Variants in PHF3 observed in about 807,000 individuals in gnomAD.
The protein encoded by PHF3 is PHD finger protein 3.
Under a neutral mutation model 178.4 loss-of-function variants are expected in PHF3, and 41 were observed. That is an observed-to-expected ratio of 0.23 (90% confidence interval 0.18 to 0.30). The LOEUF is 0.30. Ranked by LOEUF, PHF3 falls within the 10% of genes least tolerant of loss-of-function variation. PHF3 has a pLI of 1.00. For synonymous variants in PHF3, 842 were observed against 800.5 expected, an observed-to-expected ratio of 1.05 and a Z score of -0.88; for missense variants, 2,346 against 2,398.1, an observed-to-expected ratio of 0.98 and a Z score of 0.45.
intron 1 of PHF3, 52 bp downstream of exon 1, chr6:63,636,202 C>G: frequency 2.8e-6 from 1 of 363,582 alleles, no homozygotes; most frequent in Non-Finnish European, 4.9e-6. Context: ...CTCCCCTCCC[C>G]CATCCCCTTC....
chr6:63,658,605 A>AT (rs1491223226), intron 2 of PHF3, among the ~76,000 whole-genome samples: 2 of 151,716 alleles, frequency 1.3e-5, no homozygotes, highest in Non-Finnish European at 2.9e-5. Context: ...TTGCTTTCAG[A>AT]TTTTTTCATC....
chr6:63,698,672 A>G (rs1767341865), intron 8 of PHF3, 67 bp downstream of exon 8: 1 of 1,075,282 alleles, frequency 9.3e-7, no homozygotes, highest in East Asian at 2.5e-5. Flanking sequence ...CTCAGATTGT[A>G]ATACAGTAGA....
chr6:63,654,792 T>G (rs1358783536), intron 2 of PHF3, among the ~76,000 whole-genome samples: 1 of 151,874 alleles, frequency 6.6e-6, no homozygotes, highest in Non-Finnish European at 1.5e-5. Context: ...GTTCCCTGGC[T>G]GGGCATATAG....
chr6:63,649,263 T>G (rs760763475), intron 2 of PHF3, among the ~76,000 whole-genome samples: 1 of 152,044 alleles, frequency 6.6e-6, no homozygotes, highest in Admixed American at 6.6e-5. Flanking sequence ...TTATTGTAAT[T>G]ATTGATGAAA....
chr6:63,695,747 A>G (rs551293838), intron 6 of PHF3, among the ~76,000 whole-genome samples: 1 of 152,328 alleles, frequency 6.6e-6, no homozygotes, highest in East Asian at 1.9e-4. Context: ...GGTAGTGAGT[A>G]GTAGTCAGAT....
rs181376424 is a variant in PHF3, at chr6:63,674,976, T to C, written c.245-5024T>C. On this transcript the variant is annotated intron_variant, in intron 2 of 15. Coordinates refer to ENST00000262043, the MANE Select transcript of PHF3 (RefSeq NM_001370348.2). ...TTGAGCAGTGCAATAAATTTAACTC[T>C]GAATGGTTTTTATTCTCTTTATCTC... Among the ~76,000 whole-genome samples the C allele has an allele frequency of 5.3e-5, 8 of 152,302 alleles. No individual in the cohort carries two copies. In the East Asian group the frequency reaches 1.5e-3, roughly 29 times the overall value.
In PHF3 at chr6:63,649,563, G is replaced by A. The variant is rs750175248; in HGVS notation, c.244+2768G>A. The stretch of plus-strand genomic sequence containing the variant: ...CTGGTTTCGGACCAGTATTTTTGTT[G>A]TTGACATAGTGATTTGGATTGTATT... On this transcript the variant is annotated intron_variant, in intron 2 of 15. Transcript: ENST00000262043. Among the ~76,000 whole-genome samples, 5 of 152,116 alleles carry A rather than the reference G, an allele frequency of 3.3e-5. 1 individual carries two copies. The highest frequency in any genetic ancestry group is 6.5e-5 in the Admixed American group (1 of 15,268).
At chr6:63,674,389 G>A (rs1329178671) in intron 2 of PHF3, among the ~76,000 whole-genome samples, 1 of 126,316 alleles carries the variant, frequency 7.9e-6, no homozygotes, top group African/African-American at 3.3e-5. Context: ...AGAAGGAATA[G>A]AAGAGGGGAA....
In PHF3 at chr6:63,721,409, A is replaced by C; in HGVS notation, c.*7701A>C. On this transcript the variant is annotated 3_prime_UTR_variant, in exon 16 of 16. Coordinates refer to ENST00000262043, the MANE Select transcript of PHF3 (RefSeq NM_001370348.2). ...TGTTGTACCCACAGGCTGTCCCATC[A>C]CAGTCACCTACATTTGAGCCACCTT... is the stretch of plus-strand genomic sequence containing the variant. 6.4e-7 allele frequency: 1 copy of C among 1,551,726 alleles called. No individual in the cohort carries two copies. The highest frequency in any genetic ancestry group is 8.7e-7 in the Non-Finnish European group (1 of 1,146,946).
At chr6:63,682,775 A>AC (rs1766494888) in intron 3 of PHF3, among the ~76,000 whole-genome samples, 1 of 152,062 alleles carries the variant, frequency 6.6e-6, no homozygotes. Context: ...CTATTGGAAA[A>AC]CCACTTTTTA....
At chr6:63,710,434 T>C (rs918444632) in intron 14 of PHF3, among the ~76,000 whole-genome samples, 1 of 152,184 alleles carries the variant, frequency 6.6e-6, no homozygotes, top group African/African-American at 2.4e-5. Flanking sequence ...CATGTTTTCC[T>C]TAGGAGCTTG....
rs764449987 is a variant in PHF3 at position 63,691,697 on chromosome 6, A to T, written c.2190-40A>T. On this transcript the variant is annotated intron_variant, in intron 4 of 15. Transcript: ENST00000262043. ...CATTTTTGACATAGATTTTCTTGTT[A>T]AAAAAAGGGATAAAAGTTTTTTGGT... is the stretch of plus-strand genomic sequence containing the variant. 14 of 1,471,414 alleles carry T rather than the reference A, an allele frequency of 9.5e-6. No homozygotes were observed. The African/African-American group carries it at 2.0e-4, about 21-fold the overall frequency. 91.1% of individuals were successfully genotyped at this position (1,471,414 alleles called of 1,614,324 possible).
Position 63,712,117 on chromosome 6 carries a change from C to T in PHF3, c.4529C>T (p.Thr1510Ile). The T allele has an allele frequency of 6.2e-7, 1 of 1,613,234 alleles. No individual in the cohort carries two copies. The highest frequency in any genetic ancestry group is 8.5e-7 in the Non-Finnish European group (1 of 1,179,806). The change falls in exon 16 of 16, where the codon ACA becomes ATA. Residue 1510 changes from threonine to isoleucine, a missense_variant. Coordinates refer to ENST00000262043, the MANE Select transcript of PHF3 (RefSeq NM_001370348.2). ...NEQTNSKIEK[T>I]DNVEVTDGEN... ...CAGACCAACTCAAAAATAGAGAAAACAGATAATGTGGAAGTAACTGATGGT... is the reference window on the plus strand; with the variant it reads ...CAGACCAACTCAAAAATAGAGAAAATAGATAATGTGGAAGTAACTGATGGT...
intron 2 of PHF3, among the ~76,000 whole-genome samples, chr6:63,663,775 C>T (rs915569111): frequency 2.0e-5 from 3 of 152,114 alleles, no homozygotes; most frequent in African/African-American, 7.2e-5. Context: ...CGCACAGTGC[C>T]AGGGACCCAA....
chr6:63,678,799 T>C lies in PHF3; in HGVS notation c.245-1201T>C, dbSNP rs189959930. ...ATTGTGTCATTTAAAGGTAAACTTA[T>C]GAAGAATTTTGTTCTCTTTAAATTT... On this transcript the variant is annotated intron_variant, in intron 2 of 15. Transcript: ENST00000262043. The C allele has an allele frequency of 2.9e-4, 131 of 447,832 alleles. No homozygotes were observed. In the Admixed American group the frequency reaches 3.2e-3, roughly 11 times the overall value. The allele number at this position is 447,832 out of a possible 1,614,324, so 27.7% of individuals were successfully genotyped here.
chr6:63,688,353 T>C, intron 4 of PHF3, among the ~76,000 whole-genome samples: 1 of 1,738 alleles, frequency 5.8e-4, no homozygotes, highest in Non-Finnish European at 9.2e-4. Flanking sequence ...TCTCTTGTTT[T>C]TAAGACAAAG....
In PHF3 at chr6:63,719,961, T is replaced by C. The variant is rs935254375; in HGVS notation, c.*6253T>C. The C allele has an allele frequency of 1.9e-4, 29 of 152,196 alleles. No homozygotes were observed. Among genetic ancestry groups the C allele is most frequent in the African/African-American group, 6.5e-4 (27 of 41,562 alleles). 9.4% of individuals were successfully genotyped at this position (152,196 alleles called of 1,614,324 possible). A position where few individuals can be genotyped will look rare whatever the true frequency, so the allele number is the denominator to read the frequency against. The stretch of plus-strand genomic sequence containing the variant: ...GTTTTAAGTTGCACATATTGTAATA[T>C]CTATTGATGTCTTACTATAAAAGAT... On this transcript the variant is annotated 3_prime_UTR_variant, in exon 16 of 16. Transcript: ENST00000262043.
chr6:63,641,378 T>C (rs557126203), intron 1 of PHF3, among the ~76,000 whole-genome samples: 2 of 152,184 alleles, frequency 1.3e-5, no homozygotes, highest in South Asian at 4.1e-4. Context: ...TTGAGCGATA[T>C]TAGTCTCCTG....
At position 63,723,866 on chromosome 6, in the gene PHF3, A is replaced by G. The variant is rs77966177; in HGVS notation, c.*10158A>G. On this transcript the variant is annotated 3_prime_UTR_variant, in exon 16 of 16. Transcript: ENST00000262043. ...GACCAGAGTCCTGCTCTGTCCCCCAAGCTGGAGTGCAATGGTGCAATCTCG... is the reference window on the plus strand; with the variant it reads ...GACCAGAGTCCTGCTCTGTCCCCCAGGCTGGAGTGCAATGGTGCAATCTCG... 0.043 allele frequency among the ~76,000 whole-genome samples: 6,530 copies of G among 150,652 alleles called. 262 individuals are homozygous for G. Among genetic ancestry groups the G allele is most frequent in the South Asian group, 0.11 (535 of 4,758 alleles).
Sources: allele counts gnomAD v4.1 joint callset (sites outside exome capture counted in the v4.1 genomes callset), GRCh38; gene constraint gnomAD v4.1.1; transcripts MANE v1.5; gene names NCBI Gene and HGNC (gene_info 2026-07-23, HGNC 2026-07-21).